Variants in CREB5 observed in about 807,000 individuals in gnomAD.
CREB5 encodes the protein cAMP responsive element binding protein 5, also known as cyclic AMP-responsive element-binding protein 5.
Under a neutral mutation model 57.1 loss-of-function variants are expected in CREB5, and 19 were observed. That is an observed-to-expected ratio of 0.33 (90% CI 0.23 to 0.49). CREB5 has a LOEUF of 0.49. Ranked by LOEUF, CREB5 falls within the 20% of genes least tolerant of loss-of-function variation. The probability of loss-of-function intolerance (pLI) is 0.99; values close to 1 mark genes in which losing one functional copy is unlikely to be tolerated. For missense variants in CREB5, 579 were observed against 671.6 expected (o/e 0.86, Z 1.52); for synonymous variants, 238 against 238.3 (o/e 1.00, Z 0.01).
At chr7:28,377,102 A>G (rs1786847611) in intron 1 of CREB5, among the ~76,000 whole-genome samples, 1 of 152,168 alleles carries the variant, frequency 6.6e-6, no homozygotes, top group Non-Finnish European at 1.5e-5. Context: ...TTTTTACTCT[A>G]CAAGGGGTCT....
At chr7:28,354,549 C>G (rs1254750592) in intron 1 of CREB5, among the ~76,000 whole-genome samples, 1 of 152,154 alleles carries the variant, frequency 6.6e-6, no homozygotes, top group Non-Finnish European at 1.5e-5. Flanking sequence ...AAACTCCCCT[C>G]TATATGTATC....
At chr7:28,496,490 T>C (rs566204076) in intron 3 of CREB5, among the ~76,000 whole-genome samples, 3 of 152,334 alleles carry the variant, frequency 2.0e-5, no homozygotes, top group East Asian at 3.9e-4. Context: ...CCCATTGTTA[T>C]TGACAGGGGA....
chr7:28,718,900 C>T (rs1452679874), intron 6 of CREB5, 21 bp downstream of exon 6: 1 of 1,613,814 alleles, frequency 6.2e-7, no homozygotes. Flanking sequence ...CTGTGTGTCT[C>T]ACAATAGCTT....
At chr7:28,568,727 C>T (rs1394187332) in intron 4 of CREB5, among the ~76,000 whole-genome samples, 1 of 152,120 alleles carries the variant, frequency 6.6e-6, no homozygotes, top group Non-Finnish European at 1.5e-5. Flanking sequence ...AAGCCAGGTG[C>T]CCAGTTTCCA....
intron 1 of CREB5, among the ~76,000 whole-genome samples, chr7:28,454,660 GA>G (rs1409044769): frequency 6.6e-6 from 1 of 152,186 alleles, no homozygotes; most frequent in Non-Finnish European, 1.5e-5. Context: ...GGTTGTCAGT[GA>G]ACGCAGATAT....
chr7:28,323,386 G>T (rs1275437152), intron 1 of CREB5, among the ~76,000 whole-genome samples: 1 of 152,116 alleles, frequency 6.6e-6, no homozygotes, highest in Non-Finnish European at 1.5e-5. Flanking sequence ...CTTCCTCCGT[G>T]TTCCTATCTT....
rs187763835 is a variant in CREB5, at chr7:28,563,472, A to G, written c.292-6893A>G. ...AGTGCTTATGTTTTTCTTTTATACT[A>G]TGGTACCTCTTGGAATTTGTCAGAG... On this transcript the variant is annotated intron_variant, in intron 4 of 10. Coordinates refer to ENST00000357727, the MANE Select transcript of CREB5 (RefSeq NM_182898.4). Among the ~76,000 whole-genome samples the G allele has an allele frequency of 1.8e-3, 267 of 152,240 alleles. 2 individuals are homozygous for G. Among genetic ancestry groups the G allele is most frequent in the Admixed American group, 0.01 (159 of 15,288 alleles).
chr7:28,493,067 C>A (rs1791876066), intron 2 of CREB5, among the ~76,000 whole-genome samples: 1 of 152,194 alleles, frequency 6.6e-6, no homozygotes, highest in South Asian at 2.1e-4. Flanking sequence ...GATATTTATT[C>A]AGAGAGCTAC....
At chr7:28,628,017 G>A (rs1798067051) in intron 5 of CREB5, among the ~76,000 whole-genome samples, 1 of 152,012 alleles carries the variant, frequency 6.6e-6, no homozygotes, top group South Asian at 2.1e-4. Flanking sequence ...CTATCACGCA[G>A]CAGTAATGCC....
At chr7:28,755,857 CAA>C (rs1805268401) in intron 7 of CREB5, among the ~76,000 whole-genome samples, 1 of 150,276 alleles carries the variant, frequency 6.7e-6, no homozygotes, top group Non-Finnish European at 1.5e-5. Context: ...TGTTAGTGGC[CAA>C]AGAGTGTTTC....
intron 5 of CREB5, among the ~76,000 whole-genome samples, chr7:28,674,633 G>A (rs1800232370): frequency 6.6e-6 from 1 of 152,170 alleles, no homozygotes; most frequent in Non-Finnish European, 1.5e-5. Context: ...CTGCCTGTAT[G>A]TCCAAAACAA....
chr7:28,642,659 A>C (rs912791703), intron 5 of CREB5, among the ~76,000 whole-genome samples: 1 of 152,128 alleles, frequency 6.6e-6, no homozygotes, highest in Non-Finnish European at 1.5e-5. Flanking sequence ...GCCTCTGTGT[A>C]TACTTCAGAT....
At chr7:28,555,927 A>C (rs1409388413) in intron 4 of CREB5, among the ~76,000 whole-genome samples, 2 of 152,234 alleles carry the variant, frequency 1.3e-5, no homozygotes, top group Non-Finnish European at 2.9e-5. Context: ...CAATAGAATG[A>C]AAATGAACTT....
chr7:28,381,870 C>A (rs927699367), intron 1 of CREB5, among the ~76,000 whole-genome samples: 1 of 152,120 alleles, frequency 6.6e-6, no homozygotes, highest in Non-Finnish European at 1.5e-5. Flanking sequence ...ACAGAACTGA[C>A]AGGATATTTA....
intron 5 of CREB5, among the ~76,000 whole-genome samples, chr7:28,654,331 G>C (rs1799252458): frequency 6.6e-6 from 1 of 152,184 alleles, no homozygotes; most frequent in Admixed American, 6.5e-5. Flanking sequence ...AGCTGCTTCT[G>C]CCTGTCAGTG....
chr7:28,794,738 G>A (rs1297146257), intron 7 of CREB5, among the ~76,000 whole-genome samples: 1 of 149,240 alleles, frequency 6.7e-6, no homozygotes, highest in African/African-American at 2.5e-5. Flanking sequence ...GTGCATACCT[G>A]CACACACACA....
chr7:28,814,852 T>TG (rs1273087053), intron 9 of CREB5, among the ~76,000 whole-genome samples: 2 of 152,226 alleles, frequency 1.3e-5, no homozygotes, highest in African/African-American at 4.8e-5. Context: ...ATTTAGTCCT[T>TG]GCAGCATCAT....
Position 28,488,200 on chromosome 7 carries a change from T to C in CREB5, c.29T>C (p.Leu10Ser), listed in dbSNP as rs1791652065. The change falls in exon 2 of 11, where the codon TTG (leucine) becomes TCG (serine). Residue 10 changes from leucine to serine, a missense_variant. By Grantham distance (145) the Leu-to-Ser change is moderately radical. Coordinates refer to ENST00000357727, the MANE Select transcript of CREB5 (RefSeq NM_182898.4). MIYEESKMN[L>S]EQERPFVCSA... is the part of the protein sequence containing the mutation. Reference sequence around the variant, plus strand: ...ATTTATGAGGAATCCAAGATGAATTTGGAGCAGGAGAGGCCGTTTGTCTGC... The same window carrying C: ...ATTTATGAGGAATCCAAGATGAATTCGGAGCAGGAGAGGCCGTTTGTCTGC... 1 of 1,613,998 alleles carries C rather than the reference T, an allele frequency of 6.2e-7. No homozygotes were observed. Among genetic ancestry groups the C allele is most frequent in the Non-Finnish European group, 8.5e-7 (1 of 1,179,908 alleles).
intron 9 of CREB5, among the ~76,000 whole-genome samples, chr7:28,816,128 T>G (rs1809428482): frequency 6.6e-6 from 1 of 151,840 alleles, no homozygotes; most frequent in South Asian, 2.1e-4. Flanking sequence ...GTTTGGTTGT[T>G]TTTTTTTAAC....
Sources: allele counts gnomAD v4.1 joint callset (sites outside exome capture counted in the v4.1 genomes callset), GRCh38; gene constraint gnomAD v4.1.1; transcripts MANE v1.5; gene names NCBI Gene and HGNC (gene_info 2026-07-23, HGNC 2026-07-21).